NFAT5: variants seen among roughly 807,000 people sequenced by gnomAD.
The protein encoded by NFAT5 is nuclear factor of activated T-cells 5.
NFAT5 carries 31 observed loss-of-function variants against 166.5 expected under a neutral mutation model. The observed-to-expected ratio is 0.19, with a 90% CI of 0.14 to 0.25. The LOEUF (loss-of-function observed/expected upper bound fraction) is 0.25. Ranked by LOEUF, NFAT5 falls within the 10% of genes least tolerant of loss-of-function variation. NFAT5 has a pLI of 1.00. For missense variants in NFAT5, 1,449 were observed against 1,821.8 expected, an observed-to-expected ratio of 0.80 and a Z score of 3.72; for synonymous variants, 612 against 639.7, an observed-to-expected ratio of 0.96 and a Z score of 0.65.
At chr16:69,638,584 A>C (rs2035068960) in intron 3 of NFAT5, among the ~76,000 whole-genome samples, 1 of 151,894 alleles carries the variant, frequency 6.6e-6, no homozygotes, top group African/African-American at 2.4e-5. Flanking sequence ...AAAATACAAA[A>C]AATTAGCCAG....
chr16:69,568,582 T>A (rs1243685213), intron 2 of NFAT5, 34 bp downstream of exon 2: 2 of 1,558,408 alleles, frequency 1.3e-6, no homozygotes, highest in African/African-American at 2.7e-5. Flanking sequence ...CATATTGTGT[T>A]AGTATGCAAA....
Position 69,693,153 on chromosome 16 carries a change from C to G in NFAT5, c.3328C>G (p.Leu1110Val), listed in dbSNP as rs1277537450. Residue 1110 changes from leucine to valine, a missense_variant, in exon 13 of 15, where the codon CTC (leucine) becomes GTC (valine). Leu to Val is a conservative substitution (Grantham distance 32). Coordinates refer to ENST00000349945, the MANE Select transcript of NFAT5 (RefSeq NM_138713.4). ...QNLSQETQGS[L>V]FHSPNPIVHS... Reference sequence around the variant, plus strand: ...CCTTTCCCAGGAAACTCAAGGTTCTCTCTTTCATAGTCCAAATCCTATTGT... The same window carrying G: ...CCTTTCCCAGGAAACTCAAGGTTCTGTCTTTCATAGTCCAAATCCTATTGT... 1 of 1,614,026 alleles carries G rather than the reference C, an allele frequency of 6.2e-7. No homozygotes were observed. Among genetic ancestry groups the G allele is most frequent in the Non-Finnish European group, 8.5e-7 (1 of 1,180,026 alleles).
chr16:69,646,407 C>T (rs2035441519), intron 3 of NFAT5: 1 of 342,590 alleles, frequency 2.9e-6, no homozygotes, highest in African/African-American at 2.2e-5. Flanking sequence ...TCCATTTTGC[C>T]TCCAATTCAG....
At chr16:69,587,114 G>A (rs573732621) in intron 2 of NFAT5, among the ~76,000 whole-genome samples, 2 of 151,920 alleles carry the variant, frequency 1.3e-5, no homozygotes, top group East Asian at 1.9e-4. Flanking sequence ...ACAAAGTCTC[G>A]CTCTGTAGCC....
chr16:69,632,868 A>T (rs1368519600), intron 3 of NFAT5, among the ~76,000 whole-genome samples: 1 of 152,188 alleles, frequency 6.6e-6, no homozygotes, highest in East Asian at 1.9e-4. Flanking sequence ...CAAGAAAACT[A>T]GACCATTTCT....
chr16:69,587,151 C>T (rs1004181398), intron 2 of NFAT5, among the ~76,000 whole-genome samples: 2 of 152,034 alleles, frequency 1.3e-5, no homozygotes, highest in East Asian at 1.9e-4. Flanking sequence ...GGCGCGATCT[C>T]GGCTCACTGC....
intron 10 of NFAT5, among the ~76,000 whole-genome samples, chr16:69,680,977 C>T (rs2037036075): frequency 6.6e-6 from 1 of 152,178 alleles, no homozygotes; most frequent in Non-Finnish European, 1.5e-5. Context: ...CCAGGCTGGT[C>T]TCTAACTCCT....
chr16:69,655,433 C>G (rs2035837694), intron 5 of NFAT5, among the ~76,000 whole-genome samples, 176 bp from the exon 6 acceptor site: 1 of 152,048 alleles, frequency 6.6e-6, no homozygotes, highest in Non-Finnish European at 1.5e-5. Flanking sequence ...TGACTTACTT[C>G]AGGAATTTAG....
chr16:69,683,698 G>C (rs2037165607), intron 10 of NFAT5, among the ~76,000 whole-genome samples: 2 of 152,164 alleles, frequency 1.3e-5, no homozygotes, highest in Non-Finnish European at 2.9e-5. Context: ...ACTCAAGCCT[G>C]TAATCCCAGC....
chr16:69,596,534 A>G (rs1342782100), intron 2 of NFAT5, among the ~76,000 whole-genome samples: 3 of 152,110 alleles, frequency 2.0e-5, no homozygotes, highest in African/African-American at 7.2e-5. Flanking sequence ...GCTGGCCAAC[A>G]TGGTGAAACC....
chr16:69,619,288 G>A (rs1248086418), intron 2 of NFAT5, among the ~76,000 whole-genome samples: 3 of 152,170 alleles, frequency 2.0e-5, no homozygotes, highest in Non-Finnish European at 4.4e-5. Context: ...TTTAAGCCTT[G>A]TAGCATCTCT....
At chr16:69,681,843 G>A (rs765699795) in intron 10 of NFAT5, among the ~76,000 whole-genome samples, 2 of 151,616 alleles carry the variant, frequency 1.3e-5, no homozygotes, top group South Asian at 2.1e-4. Context: ...GCATGAACCC[G>A]GGAGGCAGAG....
intron 2 of NFAT5, among the ~76,000 whole-genome samples, chr16:69,572,061 C>G (rs917974226): frequency 2.6e-5 from 4 of 152,164 alleles, no homozygotes; most frequent in Admixed American, 2.6e-4. Flanking sequence ...CGCACCTGGC[C>G]TGCGCTTGGG....
At chr16:69,592,080 C>CTTTTTTTT (rs3037496) in intron 2 of NFAT5, among the ~76,000 whole-genome samples, 6 of 118,122 alleles carry the variant, frequency 5.1e-5, no homozygotes, top group Non-Finnish European at 8.3e-5. Context: ...ATTACTTTTT[C>CTTTTTTTT]TTTTTTTTTT....
intron 7 of NFAT5, among the ~76,000 whole-genome samples, chr16:69,664,870 A>T (rs2036299119): frequency 6.6e-6 from 1 of 151,998 alleles, no homozygotes; most frequent in South Asian, 2.1e-4. Context: ...TCTGCTAAAA[A>T]TACAAAGTTA....
chr16:69,591,786 C>T (rs2032476426), intron 2 of NFAT5, among the ~76,000 whole-genome samples: 1 of 152,082 alleles, frequency 6.6e-6, no homozygotes, highest in South Asian at 2.1e-4. Context: ...GGGGCCAAGG[C>T]AGATGACTTA....
chr16:69,628,069 C>T (rs990841808), intron 3 of NFAT5, among the ~76,000 whole-genome samples: 11 of 151,914 alleles, frequency 7.2e-5, no homozygotes, highest in African/African-American at 1.9e-4. Flanking sequence ...CATCTGTTGA[C>T]GGTAGATCCA....
chr16:69,649,005 T>A (rs1203770935), intron 4 of NFAT5: 9 of 962,152 alleles, frequency 9.4e-6, no homozygotes, highest in African/African-American at 1.8e-5. Flanking sequence ...AATATTTAAA[T>A]GCTTTTCAGT....
Position 69,693,597 on chromosome 16 carries a change from G to T in NFAT5, c.3772G>T (p.Ala1258Ser). The change falls in exon 13 of 15, where the codon GCC (alanine) becomes TCC (serine). Residue 1258 changes from alanine (A) to serine (S), a missense_variant. This residue lies in a region of NFAT5 where 891 missense variants were observed against 993.0 expected (regional missense o/e 0.90). Transcript: ENST00000349945. ...GTTCCAGTCACAGCACTCAATAGTTGCCATGCAGAGTAACTCTCCATCCCA... is the reference window on the plus strand; with the variant it reads ...GTTCCAGTCACAGCACTCAATAGTTTCCATGCAGAGTAACTCTCCATCCCA... ...TMFQSQHSIV[A>S]MQSNSPSQEQ... 6.2e-7 allele frequency: 1 copy of T among 1,614,090 alleles called. No homozygotes were observed.
Sources: allele counts gnomAD v4.1 joint callset (sites outside exome capture counted in the v4.1 genomes callset), GRCh38; gene constraint gnomAD v4.1.1; regional missense constraint gnomAD v4.1.1; transcripts MANE v1.5; gene names NCBI Gene and HGNC (gene_info 2026-07-23, HGNC 2026-07-21).